The following SELENOI variants were observed in gnomAD, a reference collection of about 807,000 sequenced individuals.
SELENOI encodes ethanolaminephosphotransferase 1.
SELENOI carries 24 observed loss-of-function variants against 50.7 expected under a neutral mutation model. That is an observed-to-expected ratio of 0.47 (90% CI 0.34 to 0.67). SELENOI has a LOEUF of 0.67. SELENOI is among the 30% of genes least tolerant of loss of function. The pLI is 0.01. For missense variants in SELENOI, 352 were observed against 461.4 expected (o/e 0.76, Z 2.17); for synonymous variants, 155 against 170.2 (o/e 0.91, Z 0.70).
rs546783240 is a variant in SELENOI, at chr2:26,358,508, A to G, written c.58-5794A>G. Among the ~76,000 whole-genome samples, 3 of 152,320 alleles carry G rather than the reference A, an allele frequency of 2.0e-5. No individual in the cohort carries two copies. In the East Asian group the frequency reaches 5.8e-4, roughly 29 times the overall value. On this transcript the variant is annotated intron_variant, in intron 1 of 9. Coordinates refer to ENST00000260585, the MANE Select transcript of SELENOI (RefSeq NM_033505.4). ...CCAAGGCACTGGGATTACAAGCATG[A>G]GCCACAATGCCCGGTCCATAATAGC...
intron 6 of SELENOI, among the ~76,000 whole-genome samples, chr2:26,377,230 T>C (rs1677586536): frequency 6.6e-6 from 1 of 152,260 alleles, no homozygotes; most frequent in Non-Finnish European, 1.5e-5. Context: ...CTTTATTCTT[T>C]GTAGTGGATA....
At chr2:26,377,015 A>G (rs1374482747) in intron 6 of SELENOI, among the ~76,000 whole-genome samples, 2 of 152,046 alleles carry the variant, frequency 1.3e-5, no homozygotes, top group Non-Finnish European at 2.9e-5. Flanking sequence ...CTTTCTTGGT[A>G]TTTGTTGAGC....
chr2:26,371,863 C>T (rs1220824101), intron 4 of SELENOI, among the ~76,000 whole-genome samples: 1 of 149,596 alleles, frequency 6.7e-6, no homozygotes, highest in Non-Finnish European at 1.5e-5. Context: ...GAGAGGGAAA[C>T]CATGGGGAGA....
At chr2:26,370,812 C>T (rs1276620667) in intron 4 of SELENOI, among the ~76,000 whole-genome samples, 2 of 135,992 alleles carry the variant, frequency 1.5e-5, no homozygotes, top group South Asian at 2.4e-4. Context: ...CCGGACGGGG[C>T]GGCTGGCCGG....
At chr2:26,376,022 G>A (rs1258080760) in intron 6 of SELENOI, among the ~76,000 whole-genome samples, 1 of 151,182 alleles carries the variant, frequency 6.6e-6, no homozygotes, top group Non-Finnish European at 1.5e-5. Context: ...GAGGATTACC[G>A]GAGCCCAGTG....
rs779090736 is a variant in SELENOI at position 26,373,563 on chromosome 2, G to C, written c.507G>C (p.Leu169=). 5 of 1,613,816 alleles carry C rather than the reference G, an allele frequency of 3.1e-6. No individual in the cohort carries two copies. The part of the protein sequence containing the change: ...LLWVVLFSFI[L]SHWEKYNTGI... ...GGGTAGTTTTGTTTTCTTTCATCCT[G>C]TCCCACTGGGAAAAGTATAACACAG... Residue 169 remains leucine (L), a synonymous_variant, in exon 5 of 10, where the codon CTG becomes CTC. Transcript: ENST00000260585.
At position 26,391,726 on chromosome 2, in the gene SELENOI, T is replaced by C. The variant is rs1041262264; in HGVS notation, c.*2623T>C. ...TTAGGTTATGGTATTAAAAAAGTCGTTTCAGGCTTATCAGATAATAATTCT... is the reference window on the plus strand; with the variant it reads ...TTAGGTTATGGTATTAAAAAAGTCGCTTCAGGCTTATCAGATAATAATTCT... On this transcript the variant is annotated 3_prime_UTR_variant, in exon 10 of 10. Coordinates refer to ENST00000260585, the MANE Select transcript of SELENOI (RefSeq NM_033505.4). The C allele has an allele frequency of 2.0e-5, 3 of 152,196 alleles. No individual in the cohort carries two copies. In the East Asian group the frequency reaches 5.8e-4, roughly 29 times the overall value. 9.4% of individuals were successfully genotyped at this position (152,196 alleles called of 1,614,324 possible). A position where few individuals can be genotyped will look rare whatever the true frequency, so the allele number is the denominator to read the frequency against.
At chr2:26,383,479 T>G in intron 7 of SELENOI, 132 bp downstream of exon 7, 1 of 629,330 alleles carries the variant, frequency 1.6e-6, no homozygotes. Flanking sequence ...TTTTAAATCT[T>G]TAATGGGGTA....
intron 7 of SELENOI, 119 bp from the exon 8 acceptor site, chr2:26,384,840 C>A: frequency 1.5e-6 from 1 of 657,026 alleles, no homozygotes; most frequent in Non-Finnish European, 2.3e-6. Context: ...CTGTCTATGC[C>A]ACAAGATTAT....
intron 4 of SELENOI, among the ~76,000 whole-genome samples, chr2:26,371,168 C>T (rs1290764397): frequency 2.6e-5 from 4 of 151,200 alleles, no homozygotes; most frequent in Non-Finnish European, 4.4e-5. Context: ...CCCCTCCCAC[C>T]TCCCTCCCGG....
At chr2:26,383,130 G>T (rs1322827730) in intron 6 of SELENOI, among the ~76,000 whole-genome samples, 169 bp from the exon 7 acceptor site, 1 of 152,072 alleles carries the variant, frequency 6.6e-6, no homozygotes, top group Non-Finnish European at 1.5e-5. Flanking sequence ...AAATTGTACT[G>T]CCACTCTTCC....
intron 4 of SELENOI, among the ~76,000 whole-genome samples, chr2:26,369,240 C>T (rs1293541331): frequency 6.6e-6 from 1 of 152,152 alleles, no homozygotes; most frequent in African/African-American, 2.4e-5. Flanking sequence ...GATTCTCACT[C>T]TACAGTCTTA....
intron 1 of SELENOI, among the ~76,000 whole-genome samples, chr2:26,361,346 T>A (rs1389953894): frequency 6.6e-6 from 1 of 152,230 alleles, no homozygotes; most frequent in Non-Finnish European, 1.5e-5. Flanking sequence ...ATATACTATT[T>A]TTTCCTATAC....
chr2:26,367,912 C>G (rs904703761), intron 4 of SELENOI, among the ~76,000 whole-genome samples: 1 of 152,180 alleles, frequency 6.6e-6, no homozygotes, highest in Non-Finnish European at 1.5e-5. Flanking sequence ...GCACTTAAAA[C>G]CATGTAACAT....
At chr2:26,367,760 A>ACAGGGAGCGGT (rs1200251310) in intron 4 of SELENOI, among the ~76,000 whole-genome samples, 5 of 152,168 alleles carry the variant, frequency 3.3e-5, no homozygotes, top group Non-Finnish European at 1.5e-5. Flanking sequence ...CTTTTTTGGT[A>ACAGGGAGCGGT]CAGGGAGCGG....
rs189156942 is a variant in SELENOI, at chr2:26,363,728, T to C, written c.58-574T>C. 3.3e-5 allele frequency among the ~76,000 whole-genome samples: 5 copies of C among 152,310 alleles called. No homozygotes were observed. The East Asian group carries it at 9.6e-4, about 29-fold the overall frequency. On this transcript the variant is annotated intron_variant, in intron 1 of 9. Coordinates refer to ENST00000260585, the MANE Select transcript of SELENOI (RefSeq NM_033505.4). The stretch of plus-strand genomic sequence containing the variant: ...CAGTTTTGCTACTCAGATTAGGACA[T>C]CATAAAAATAGGTGTATTCTCCAGG...
intron 1 of SELENOI, among the ~76,000 whole-genome samples, chr2:26,347,913 T>C (rs1395236090): frequency 6.6e-6 from 1 of 152,228 alleles, no homozygotes; most frequent in African/African-American, 2.4e-5. Context: ...TAAGTTCCTG[T>C]ATCTGACAGC....
rs1195613913 is a variant in SELENOI at position 26,390,515 on chromosome 2, ATTTC to A, written c.*1419_*1422del. 5 of 152,614 alleles carry A rather than the reference ATTTC, an allele frequency of 3.3e-5. No individual in the cohort carries two copies. Among genetic ancestry groups the A allele is most frequent in the Admixed American group, 2.6e-4 (4 of 15,274 alleles). The allele number at this position is 152,614 out of a possible 1,614,324, so 9.5% of individuals were successfully genotyped here. ...CCATTGTTAAATTTAATTATAGTGT[ATTTC>A]TTTCTTGAATTTCAGTCTGCTGCTT... On this transcript the variant is annotated 3_prime_UTR_variant, in exon 10 of 10. Transcript: ENST00000260585.
In SELENOI at chr2:26,392,091, T is replaced by A. The variant is rs1572341040; in HGVS notation, c.*2988T>A. 6.6e-6 allele frequency: 1 copy of A among 152,306 alleles called. No homozygotes were observed. The highest frequency in any genetic ancestry group is 1.9e-4 in the East Asian group (1 of 5,186). The allele number at this position is 152,306 out of a possible 1,614,324, so 9.4% of individuals were successfully genotyped here. Reference sequence around the variant, plus strand: ...TTAGGATGTTACAGTACTAATACCATCATGTTATTTATTCTAATATAGAGG... The same window carrying A: ...TTAGGATGTTACAGTACTAATACCAACATGTTATTTATTCTAATATAGAGG... On this transcript the variant is annotated 3_prime_UTR_variant, in exon 10 of 10. Transcript: ENST00000260585.
Sources: gnomAD v4.1 joint callset for allele counts (sites outside exome capture counted in the v4.1 genomes callset) on GRCh38, gnomAD v4.1.1 for gene constraint, MANE v1.5 for transcripts, NCBI Gene and HGNC (gene_info 2026-07-23, HGNC 2026-07-21) for gene names.